Variants in CCDC170 observed in about 807,000 individuals in gnomAD.
The protein encoded by CCDC170 is coiled-coil domain-containing protein 170.
Under a neutral mutation model 72.6 loss-of-function variants are expected in CCDC170, and 69 were observed. The observed-to-expected ratio is 0.95, with a 90% CI of 0.78 to 1.16. CCDC170 has a LOEUF of 1.16. CCDC170 is among the 50% of genes most tolerant of loss of function. The pLI, the probability that CCDC170 is intolerant of heterozygous loss-of-function variation, is 0.00. For missense variants in CCDC170, 852 were observed against 832.5 expected (o/e 1.02, Z -0.29); for synonymous variants, 300 against 303.9 (o/e 0.99, Z 0.13).
chr6:151,548,910 T>G (rs190430168), intron 5 of CCDC170, among the ~76,000 whole-genome samples: 1,940 of 149,282 alleles, frequency 0.013, 40 homozygotes, highest in African/African-American at 0.039. Context: ...TTGTTTGTTT[T>G]TTTTGTTTTG....
At chr6:151,586,147 C>T (rs1379398722) in intron 7 of CCDC170, 58 bp downstream of exon 7, 19 of 1,541,206 alleles carry the variant, frequency 1.2e-5, no homozygotes, top group Non-Finnish European at 1.7e-5. Flanking sequence ...TAAAATTTTA[C>T]CTGAAAATAT....
intron 6 of CCDC170, among the ~76,000 whole-genome samples, chr6:151,579,045 A>G (rs1405293231): frequency 1.3e-5 from 2 of 152,192 alleles, no homozygotes; most frequent in Non-Finnish European, 2.9e-5. Context: ...TCAAAAAAAA[A>G]GCACAAACAA....
chr6:151,539,241 A>T (rs1782642220), intron 3 of CCDC170, among the ~76,000 whole-genome samples: 1 of 146,676 alleles, frequency 6.8e-6, no homozygotes, highest in South Asian at 2.3e-4. Flanking sequence ...AGCCTGGGCA[A>T]CAAAGAGAGA....
intron 1 of CCDC170, among the ~76,000 whole-genome samples, chr6:151,534,051 C>A (rs148083318): frequency 6.7e-6 from 1 of 148,334 alleles, no homozygotes; most frequent in East Asian, 2.0e-4. Flanking sequence ...TTTTCTCGTT[C>A]ATTCATTCAT....
At chr6:151,611,642 C>A (rs966197634) in intron 9 of CCDC170, among the ~76,000 whole-genome samples, 7 of 152,142 alleles carry the variant, frequency 4.6e-5, no homozygotes, top group Non-Finnish European at 7.3e-5. Context: ...AGGACACAAA[C>A]ATTCAGACTG....
intron 1 of CCDC170, among the ~76,000 whole-genome samples, chr6:151,500,173 C>T (rs1241134989): frequency 1.3e-5 from 2 of 150,066 alleles, no homozygotes; most frequent in African/African-American, 4.9e-5. Flanking sequence ...TATCTATTTC[C>T]ACTTTTTAAA....
chr6:151,529,123 A>G (rs1782455015), intron 1 of CCDC170, among the ~76,000 whole-genome samples: 1 of 152,148 alleles, frequency 6.6e-6, no homozygotes, highest in Non-Finnish European at 1.5e-5. Flanking sequence ...ATATTTATAG[A>G]CAAAAACACA....
At chr6:151,500,493 C>G (rs1315552228) in intron 1 of CCDC170, among the ~76,000 whole-genome samples, 1 of 151,188 alleles carries the variant, frequency 6.6e-6, no homozygotes, top group African/African-American at 2.4e-5. Context: ...CTAAGAAAAG[C>G]CATATTGCAT....
chr6:151,615,728 A>G (rs1275824856), intron 10 of CCDC170, 49 bp downstream of exon 10: 12 of 1,307,216 alleles, frequency 9.2e-6, no homozygotes, highest in African/African-American at 5.9e-5. Flanking sequence ...TGACAGGACA[A>G]TTCAAGAGCT....
intron 9 of CCDC170, among the ~76,000 whole-genome samples, chr6:151,610,834 T>C (rs1048408029): frequency 6.6e-6 from 1 of 152,220 alleles, no homozygotes; most frequent in Non-Finnish European, 1.5e-5. Flanking sequence ...TCCCAGCTGT[T>C]GACATTTTAT....
chr6:151,603,760 C>T (rs1776744438), intron 9 of CCDC170, among the ~76,000 whole-genome samples: 1 of 152,170 alleles, frequency 6.6e-6, no homozygotes, highest in Non-Finnish European at 1.5e-5. Context: ...TCTTTTAGGC[C>T]AAGCTAGCTG....
At chr6:151,568,767 CCATTT>C (rs1776175126) in intron 5 of CCDC170, among the ~76,000 whole-genome samples, 1 of 152,116 alleles carries the variant, frequency 6.6e-6, no homozygotes, top group African/African-American at 2.4e-5. Context: ...AAGAACTTCC[CCATTT>C]CATTTCAAGA....
intron 1 of CCDC170, among the ~76,000 whole-genome samples, chr6:151,500,267 G>C (rs1440079496): frequency 6.8e-6 from 1 of 145,996 alleles, no homozygotes. Context: ...TTTAAGAAGA[G>C]ATCTGACTCT....
intron 5 of CCDC170, among the ~76,000 whole-genome samples, chr6:151,556,081 T>C (rs1782969114): frequency 6.6e-6 from 1 of 151,980 alleles, no homozygotes; most frequent in South Asian, 2.1e-4. Flanking sequence ...TCTCCATCTC[T>C]ATAATAAAAA....
At chr6:151,517,915 T>C (rs910053896) in intron 1 of CCDC170, among the ~76,000 whole-genome samples, 4 of 152,036 alleles carry the variant, frequency 2.6e-5, no homozygotes, top group African/African-American at 9.7e-5. Context: ...TACGGCCATT[T>C]GCTTCTTTTT....
At chr6:151,505,466 G>C (rs572254211) in intron 1 of CCDC170, among the ~76,000 whole-genome samples, 1 of 151,928 alleles carries the variant, frequency 6.6e-6, no homozygotes, top group East Asian at 2.0e-4. Context: ...GGCAGGTCAC[G>C]AGGTCAGGAG....
At position 151,620,503 on chromosome 6, in the gene CCDC170, A is replaced by G. The variant is rs1048984675; in HGVS notation, c.*2356A>G. On this transcript the variant is annotated 3_prime_UTR_variant, in exon 11 of 11. Transcript: ENST00000239374. ...GTTTTCCCCACCAACCCCTTTTCAC[A>G]TGCTCCAAAGATGTAGTAGTGTCTG... is the stretch of plus-strand genomic sequence containing the variant. The G allele has an allele frequency of 6.6e-6, 1 of 152,278 alleles. No homozygotes were observed. Among genetic ancestry groups the G allele is most frequent in the Non-Finnish European group, 1.5e-5 (1 of 68,144 alleles). The allele number at this position is 152,278 out of a possible 1,614,324, so 9.4% of individuals were successfully genotyped here.
At chr6:151,515,171 G>A (rs532934966) in intron 1 of CCDC170, among the ~76,000 whole-genome samples, 1 of 152,384 alleles carries the variant, frequency 6.6e-6, no homozygotes, top group East Asian at 1.9e-4. Context: ...TGAAATGCAA[G>A]AGCCTGGGAG....
chr6:151,538,026 A>G lies in CCDC170; in HGVS notation c.187-19A>G. 6.8e-7 allele frequency: 1 copy of G among 1,466,888 alleles called. No homozygotes were observed. Among genetic ancestry groups the G allele is most frequent in the Non-Finnish European group, 9.1e-7 (1 of 1,104,652 alleles). 90.9% of individuals were successfully genotyped at this position (1,466,888 alleles called of 1,614,324 possible). A position where few individuals can be genotyped will look rare whatever the true frequency, so the allele number is the denominator to read the frequency against. On this transcript the variant is annotated intron_variant, in intron 2 of 10. Coordinates refer to ENST00000239374, the MANE Select transcript of CCDC170 (RefSeq NM_025059.4). ...TGTTGTTAAGGTTTTTTTTTTTTTT[A>G]ACTTCTTTTCCATGTTAGCTTCAAG...
Sources: gnomAD v4.1 joint callset for allele counts (sites outside exome capture counted in the v4.1 genomes callset) on GRCh38, gnomAD v4.1.1 for gene constraint, MANE v1.5 for transcripts, NCBI Gene and HGNC (gene_info 2026-07-23, HGNC 2026-07-21) for gene names.